SEMA3A: variants seen among roughly 807,000 people sequenced by gnomAD.
The protein encoded by SEMA3A is semaphorin 3A, also known as semaphorin-3A.
Under a neutral mutation model 97.9 loss-of-function variants are expected in SEMA3A, and 29 were observed. The observed-to-expected ratio is 0.30, with a 90% confidence interval of 0.22 to 0.40. The LOEUF (loss-of-function observed/expected upper bound fraction) is 0.40, where lower values mean the gene tolerates loss of function less well. SEMA3A is among the 10% of genes least tolerant of loss of function. The probability of loss-of-function intolerance (pLI) is 1.00; values close to 1 mark genes in which losing one functional copy is unlikely to be tolerated. For missense variants in SEMA3A, 763 were observed against 951.3 expected (o/e 0.80, Z 2.60); for synonymous variants, 321 against 323.7 (o/e 0.99, Z 0.09).
intron 15 of SEMA3A, among the ~76,000 whole-genome samples, chr7:83,975,926 A>G (rs1177251763): frequency 1.4e-4 from 22 of 152,214 alleles, no homozygotes; most frequent in Admixed American, 1.4e-3. Context: ...TAAATGCACC[A>G]TACTAATGCA....
chr7:84,283,803 T>G (rs1279417865), intron 3 of SEMA3A, among the ~76,000 whole-genome samples: 1 of 152,194 alleles, frequency 6.6e-6, no homozygotes, highest in Admixed American at 6.5e-5. Flanking sequence ...GAAACATAAC[T>G]TCTTAAATTC....
chr7:84,262,256 C>T (rs1799874505), intron 3 of SEMA3A, among the ~76,000 whole-genome samples: 1 of 151,818 alleles, frequency 6.6e-6, no homozygotes, highest in Non-Finnish European at 1.5e-5. Context: ...CTCTTTTTGC[C>T]CAGGATGGAG....
intron 5 of SEMA3A, among the ~76,000 whole-genome samples, chr7:84,055,391 G>T (rs1177104093): frequency 6.6e-6 from 1 of 152,204 alleles, no homozygotes; most frequent in South Asian, 2.1e-4. Flanking sequence ...GCCAGGTGTG[G>T]GATATAGTCT....
rs58083024 is a variant in SEMA3A, at chr7:83,971,430, C to CAA, written c.1717+5700_1717+5701dup. On this transcript the variant is annotated intron_variant, in intron 15 of 16. Transcript: ENST00000265362. ...TTGGGCAATAAGAGCGAAACTCCAT[C>CAA]AAAAAAAAAAAAAAAACCTAACAAA... is the stretch of plus-strand genomic sequence containing the variant. Among the ~76,000 whole-genome samples, 169 of 132,770 alleles carry CAA rather than the reference C, an allele frequency of 1.3e-3. 1 individual carries two copies. The highest frequency in any genetic ancestry group is 4.6e-3 in the Middle Eastern group (1 of 218). The allele number at this position is 132,770 out of a possible 152,430, so 87.1% of individuals were successfully genotyped here.
At chr7:84,086,880 TAA>T (rs1180306523) in intron 4 of SEMA3A, among the ~76,000 whole-genome samples, 2 of 151,330 alleles carry the variant, frequency 1.3e-5, no homozygotes, top group Admixed American at 6.7e-5. Flanking sequence ...CTAAACTTTA[TAA>T]TGCATGCTTT....
chr7:84,165,751 C>G (rs1291424974), intron 1 of SEMA3A, among the ~76,000 whole-genome samples: 1 of 152,042 alleles, frequency 6.6e-6, no homozygotes, highest in Non-Finnish European at 1.5e-5. Flanking sequence ...CAGGGTTTCA[C>G]CATGCTGATG....
chr7:83,991,129 T>A (rs929669823), intron 12 of SEMA3A, among the ~76,000 whole-genome samples: 15 of 150,550 alleles, frequency 1.0e-4, no homozygotes, highest in South Asian at 6.6e-4. Flanking sequence ...TTGTCTGTTG[T>A]TGGTGTATAA....
intron 4 of SEMA3A, among the ~76,000 whole-genome samples, chr7:84,070,857 A>G (rs546254800): frequency 6.6e-6 from 1 of 152,192 alleles, no homozygotes; most frequent in South Asian, 2.1e-4. Flanking sequence ...CACTTCCTGG[A>G]AGTCTTCAGA....
rs540620619 is a variant in SEMA3A at position 84,312,501 on chromosome 7, T to C, written c.-168-5209A>G. Among the ~76,000 whole-genome samples, 6 of 151,700 alleles carry C rather than the reference T, an allele frequency of 4.0e-5. No individual in the cohort carries two copies. The East Asian group carries it at 9.9e-4, about 25-fold the overall frequency. ...TCATACAACTAAAATAACCTGGAGC[T>C]TAAATGTTTGAGTTTATTCATACAT... is the stretch of plus-strand genomic sequence containing the variant. On this transcript the variant is annotated intron_variant, in intron 2 of 3. Transcript: ENST00000424555.
chr7:84,314,524 G>C (rs915975236), intron 2 of SEMA3A, among the ~76,000 whole-genome samples: 1 of 152,062 alleles, frequency 6.6e-6, no homozygotes, highest in African/African-American at 2.4e-5. Context: ...ATTGGGGTTG[G>C]TTCTTCATTT....
intron 3 of SEMA3A, among the ~76,000 whole-genome samples, chr7:84,288,970 C>T (rs1442833980): frequency 2.6e-5 from 4 of 152,044 alleles, no homozygotes; most frequent in African/African-American, 7.2e-5. Context: ...CCTATGTGTC[C>T]TTCCATAAAT....
At chr7:84,328,806 C>T (rs900759766) in intron 2 of SEMA3A, among the ~76,000 whole-genome samples, 1 of 151,922 alleles carries the variant, frequency 6.6e-6, no homozygotes, top group African/African-American at 2.4e-5. Flanking sequence ...TTCAAATTCC[C>T]ATAGAAGGGA....
At chr7:84,359,520 G>A (rs1324782788) in intron 2 of SEMA3A, among the ~76,000 whole-genome samples, 2 of 151,816 alleles carry the variant, frequency 1.3e-5, no homozygotes, top group African/African-American at 4.9e-5. Flanking sequence ...GCTTTTTGAT[G>A]TGCTGCTGGA....
chr7:84,413,923 T>A (rs1053595251), intron 1 of SEMA3A, among the ~76,000 whole-genome samples: 7 of 152,080 alleles, frequency 4.6e-5, no homozygotes, highest in African/African-American at 1.7e-4. Flanking sequence ...CTCAAAGCAG[T>A]CCTATGCATC....
At chr7:83,985,777 G>C (rs1039031900) in intron 12 of SEMA3A, among the ~76,000 whole-genome samples, 3 of 152,156 alleles carry the variant, frequency 2.0e-5, no homozygotes, top group Non-Finnish European at 4.4e-5. Flanking sequence ...ACAGTGAGAG[G>C]GTGTTGGAAA....
At chr7:83,973,904 GT>G (rs5885388) in intron 15 of SEMA3A, among the ~76,000 whole-genome samples, 57,331 of 146,534 alleles carry the variant, frequency 0.39, 12,031 homozygotes, top group East Asian at 0.81. Flanking sequence ...TGATGGTGTA[GT>G]TTTTTTTTTT....
At chr7:84,454,323 C>T (rs2116372879) in intron 1 of SEMA3A, among the ~76,000 whole-genome samples, 1 of 152,218 alleles carries the variant, frequency 6.6e-6, no homozygotes, top group Admixed American at 6.5e-5. Context: ...GTAAGACATA[C>T]ATCAGACACA....
At chr7:84,450,328 C>A (rs111629976) in intron 1 of SEMA3A, among the ~76,000 whole-genome samples, 2 of 152,088 alleles carry the variant, frequency 1.3e-5, no homozygotes, top group African/African-American at 2.4e-5. Flanking sequence ...TCCACTCTTG[C>A]GTGCAATTCT....
At chr7:84,212,330 C>T (rs1193358095) in intron 3 of SEMA3A, among the ~76,000 whole-genome samples, 1 of 152,142 alleles carries the variant, frequency 6.6e-6, no homozygotes, top group Non-Finnish European at 1.5e-5. Flanking sequence ...TTAGAACACA[C>T]AGTTTTTCAT....
Sources: allele counts gnomAD v4.1 joint callset (sites outside exome capture counted in the v4.1 genomes callset), GRCh38; gene constraint gnomAD v4.1.1; transcripts MANE v1.5; gene names NCBI Gene and HGNC (gene_info 2026-07-23, HGNC 2026-07-21).